Variants in NUDT3 observed in about 807,000 individuals in gnomAD.
The protein encoded by NUDT3 is diphosphoinositol polyphosphate phosphohydrolase 1.
Under a neutral mutation model 23.6 loss-of-function variants are expected in NUDT3, and 9 were observed. That is an observed-to-expected ratio of 0.38 (90% CI 0.23 to 0.66). NUDT3 has a LOEUF of 0.66. Among genes scored for constraint, NUDT3 ranks in the 30% least tolerant of loss-of-function variants. The pLI, the probability that NUDT3 is intolerant of heterozygous loss-of-function variation, is 0.52. For synonymous variants in NUDT3, 86 were observed against 82.6 expected, an observed-to-expected ratio of 1.04 and a Z score of -0.22; for missense variants, 172 against 218.5, an observed-to-expected ratio of 0.79 and a Z score of 1.34.
chr6:34,377,981 A>T (rs1476672673), intron 1 of NUDT3, among the ~76,000 whole-genome samples: 1 of 152,054 alleles, frequency 6.6e-6, no homozygotes, highest in Non-Finnish European at 1.5e-5. Flanking sequence ...TCAATTTTAC[A>T]AACTTTAGCA....
chr6:34,392,158 G>C (rs1469480796), intron 1 of NUDT3, 106 bp downstream of exon 1: 5 of 746,932 alleles, frequency 6.7e-6, no homozygotes, highest in Non-Finnish European at 1.0e-5. Flanking sequence ...TTCCGCCCGA[G>C]CGGGGCGGCC....
intron 1 of NUDT3, among the ~76,000 whole-genome samples, chr6:34,369,649 C>A (rs543115727): frequency 6.6e-6 from 1 of 152,188 alleles, no homozygotes; most frequent in Non-Finnish European, 1.5e-5. Context: ...ACAGGGAAGC[C>A]TTTGGTCTAA....
intron 1 of NUDT3, among the ~76,000 whole-genome samples, chr6:34,368,464 G>C (rs750863027): frequency 6.6e-6 from 1 of 152,076 alleles, no homozygotes; most frequent in Non-Finnish European, 1.5e-5. Flanking sequence ...TGGGCTCCAG[G>C]GCATGGAGGA....
At chr6:34,389,615 A>T (rs1010195400) in intron 1 of NUDT3, among the ~76,000 whole-genome samples, 27 of 151,770 alleles carry the variant, frequency 1.8e-4, no homozygotes, top group African/African-American at 6.3e-4. Context: ...CCATGATCAC[A>T]CCACTACACT....
intron 2 of NUDT3, among the ~76,000 whole-genome samples, chr6:34,301,188 TGAAA>T (rs1763592096): frequency 7.7e-6 from 1 of 130,082 alleles, no homozygotes; most frequent in South Asian, 2.5e-4. Flanking sequence ...TGTTACCAAG[TGAAA>T]GAGTTTCTCG....
chr6:34,368,690 G>A lies in NUDT3; in HGVS notation c.99+23574C>T, dbSNP rs187641552. ...GTCTCACTCTGTCGCCCAGGCTGGA[G>A]TGCAGTGGCGCACTCTCAGTTCACT... On this transcript the variant is annotated intron_variant, in intron 1 of 4. Transcript: ENST00000607016. Among the ~76,000 whole-genome samples the A allele has an allele frequency of 4.2e-3, 633 of 152,240 alleles. 9 individuals carry two copies. Among genetic ancestry groups the A allele is most frequent in the South Asian group, 0.024 (118 of 4,818 alleles).
At position 34,349,898 on chromosome 6, in the gene NUDT3, G is replaced by A. The variant is rs568119709; in HGVS notation, c.100-7926C>T. On this transcript the variant is annotated intron_variant, in intron 1 of 4. Coordinates refer to ENST00000607016, the MANE Select transcript of NUDT3 (RefSeq NM_006703.4). ...AAGGTCAGGAGATCGAGACCATCCT[G>A]GTTAAAACGGTGAAACCCCGTCTCT... Among the ~76,000 whole-genome samples the A allele has an allele frequency of 2.3e-4, 34 of 150,506 alleles. 1 individual carries two copies. In the South Asian group the frequency reaches 6.5e-3, roughly 29 times the overall value.
intron 1 of NUDT3, among the ~76,000 whole-genome samples, chr6:34,383,891 A>G (rs1017832780): frequency 6.6e-6 from 1 of 152,172 alleles, no homozygotes; most frequent in Non-Finnish European, 1.5e-5. Flanking sequence ...GCTTCCAGGA[A>G]AGATTTTGAG....
In NUDT3 at chr6:34,291,554, G is replaced by A. The variant is rs182508181; in HGVS notation, c.340+1897C>T. Among the ~76,000 whole-genome samples the A allele has an allele frequency of 9.3e-4, 142 of 152,108 alleles. 1 individual carries two copies. The Middle Eastern group carries it at 0.017, about 18-fold the overall frequency. On this transcript the variant is annotated intron_variant, in intron 4 of 4. Coordinates refer to ENST00000607016, the MANE Select transcript of NUDT3 (RefSeq NM_006703.4). ...AGTCTTATCTGTTGCCCAGGCTGGA[G>A]TGCATTGGTGTATTCTTGGCTCACT...
rs1000113865 is a variant in NUDT3, at chr6:34,281,614, C to T, written c.*7139G>A. The T allele has an allele frequency of 2.0e-5, 3 of 152,250 alleles. No individual in the cohort carries two copies. Among genetic ancestry groups the T allele is most frequent in the African/African-American group, 7.2e-5 (3 of 41,472 alleles). The allele number at this position is 152,250 out of a possible 1,614,324, so 9.4% of individuals were successfully genotyped here. On this transcript the variant is annotated 3_prime_UTR_variant, in exon 5 of 5. Coordinates refer to ENST00000607016, the MANE Select transcript of NUDT3 (RefSeq NM_006703.4). ...CTGTACTACATACTTATTTCTTTTA[C>T]AGTAGAGCTGACCAATTACTTTTCT...
At chr6:34,343,596 TG>T (rs1298075728) in intron 1 of NUDT3, among the ~76,000 whole-genome samples, 1 of 150,168 alleles carries the variant, frequency 6.7e-6, no homozygotes, top group East Asian at 1.9e-4. Context: ...AAAATCAAAA[TG>T]GACCAACAAC....
intron 2 of NUDT3, among the ~76,000 whole-genome samples, chr6:34,301,654 A>G (rs1763599562): frequency 6.6e-6 from 1 of 152,246 alleles, no homozygotes; most frequent in Admixed American, 6.5e-5. Flanking sequence ...ACTCAGAGCT[A>G]GCTGCAGACA....
At chr6:34,364,626 A>G (rs1042406048) in intron 1 of NUDT3, among the ~76,000 whole-genome samples, 16 of 152,230 alleles carry the variant, frequency 1.1e-4, no homozygotes, top group African/African-American at 3.6e-4. Flanking sequence ...TGATAAGTGA[A>G]GCTTTACCTC....
At chr6:34,369,993 A>G (rs1014530965) in intron 1 of NUDT3, among the ~76,000 whole-genome samples, 1 of 152,234 alleles carries the variant, frequency 6.6e-6, no homozygotes, top group African/African-American at 2.4e-5. Context: ...AATTTTTTAA[A>G]GTTACATTTG....
intron 1 of NUDT3, among the ~76,000 whole-genome samples, chr6:34,387,311 G>A (rs996528893): frequency 6.6e-6 from 1 of 152,000 alleles, no homozygotes; most frequent in African/African-American, 2.4e-5. Flanking sequence ...ATAGCTCCAC[G>A]CCTGTTACTC....
intron 1 of NUDT3, among the ~76,000 whole-genome samples, chr6:34,375,096 C>T (rs1282016645): frequency 6.6e-6 from 1 of 152,160 alleles, no homozygotes; most frequent in African/African-American, 2.4e-5. Context: ...CCTGTAATCC[C>T]AGCACTTTGG....
chr6:34,344,413 ATGC>A (rs775627338), intron 1 of NUDT3, among the ~76,000 whole-genome samples: 1 of 152,244 alleles, frequency 6.6e-6, no homozygotes, highest in Non-Finnish European at 1.5e-5. Flanking sequence ...CCTTGAAAAC[ATGC>A]TAAGGGAAGG....
chr6:34,290,401 CTTTTTTTT>C (rs952499361), intron 4 of NUDT3, among the ~76,000 whole-genome samples: 2 of 107,342 alleles, frequency 1.9e-5, no homozygotes, highest in Non-Finnish European at 3.8e-5. Context: ...GCTGCTGCTT[CTTTTTTTT>C]TTTTTTTTTT....
At chr6:34,332,915 C>T (rs189748512) in intron 2 of NUDT3, among the ~76,000 whole-genome samples, 1 of 152,244 alleles carries the variant, frequency 6.6e-6, no homozygotes, top group East Asian at 1.9e-4. Context: ...ACACAGCTTC[C>T]CTTTTTTCCC....
Sources: allele counts gnomAD v4.1 joint callset (sites outside exome capture counted in the v4.1 genomes callset), GRCh38; gene constraint gnomAD v4.1.1; transcripts MANE v1.5; gene names NCBI Gene and HGNC (gene_info 2026-07-23, HGNC 2026-07-21).